DGKB: variants seen among roughly 807,000 people sequenced by gnomAD.
DGKB encodes 90 kDa diacylglycerol kinase.
In DGKB, 67 loss-of-function variants were observed where a neutral mutation model predicts 114.3. The ratio of observed to expected loss-of-function variants is 0.59; its 90% confidence interval spans 0.48 to 0.72. DGKB has a LOEUF of 0.72. DGKB is among the 30% of genes least tolerant of loss of function. The pLI, the probability that DGKB is intolerant of heterozygous loss-of-function variation, is 0.00. For missense variants in DGKB, 907 were observed against 975.2 expected, an observed-to-expected ratio of 0.93 and a Z score of 0.93; for synonymous variants, 398 against 323.1, an observed-to-expected ratio of 1.23 and a Z score of -2.49.
At chr7:14,530,708 G>T (rs1423841520) in intron 20 of DGKB, among the ~76,000 whole-genome samples, 3 of 151,408 alleles carry the variant, frequency 2.0e-5, no homozygotes, top group Admixed American at 6.6e-5. Flanking sequence ...CTGACTTCTT[G>T]CCAATCTCAC....
chr7:14,509,680 G>A (rs1787677480), intron 20 of DGKB, among the ~76,000 whole-genome samples: 1 of 152,164 alleles, frequency 6.6e-6, no homozygotes, highest in Non-Finnish European at 1.5e-5. Context: ...ATCGGGCAGA[G>A]CCCGAGAGCT....
intron 21 of DGKB, among the ~76,000 whole-genome samples, chr7:14,425,261 A>G (rs1221231896): frequency 6.6e-6 from 1 of 152,140 alleles, no homozygotes; most frequent in Non-Finnish European, 1.5e-5. Context: ...TATCTCAAAT[A>G]TATGTATCCA....
In DGKB at chr7:14,602,742, G is replaced by A. The variant is rs1022920982; in HGVS notation, c.1433+4692C>T. Among the ~76,000 whole-genome samples, 10 of 152,242 alleles carry A rather than the reference G, an allele frequency of 6.6e-5. No individual in the cohort carries two copies. The East Asian group carries it at 1.7e-3, about 26-fold the overall frequency. ...GAACTGTGAGAAATAAATTTATGTT[G>A]TTTGTAATTAGCCAGTCTAAGGGAT... On this transcript the variant is annotated intron_variant, in intron 17 of 25. Coordinates refer to ENST00000402815, the MANE Select transcript of DGKB (RefSeq NM_001350709.2).
intron 23 of DGKB, among the ~76,000 whole-genome samples, chr7:14,179,924 A>G (rs1782386341): frequency 6.6e-6 from 1 of 152,160 alleles, no homozygotes; most frequent in Non-Finnish European, 1.5e-5. Flanking sequence ...TCTAGTTTAA[A>G]TTCATGTTGC....
chr7:14,206,837 T>A (rs1238571471), intron 23 of DGKB, among the ~76,000 whole-genome samples: 1 of 152,060 alleles, frequency 6.6e-6, no homozygotes, highest in Non-Finnish European at 1.5e-5. Context: ...GCAACTATTT[T>A]TTGTAGAAAG....
chr7:14,839,887 C>A (rs928539394), intron 2 of DGKB, among the ~76,000 whole-genome samples: 1 of 151,606 alleles, frequency 6.6e-6, no homozygotes, highest in Non-Finnish European at 1.5e-5. Flanking sequence ...TACAAATACC[C>A]AGCAGCATTC....
intron 1 of DGKB, among the ~76,000 whole-genome samples, chr7:14,973,152 C>A (rs1336266042): frequency 6.6e-6 from 1 of 151,894 alleles, no homozygotes; most frequent in Non-Finnish European, 1.5e-5. Flanking sequence ...ACTAAAAATA[C>A]AAGTCTGAAA....
At chr7:14,877,448 A>G (rs1157156017) in intron 1 of DGKB, among the ~76,000 whole-genome samples, 2 of 152,110 alleles carry the variant, frequency 1.3e-5, no homozygotes, top group East Asian at 3.9e-4. Context: ...CCAGCTACCC[A>G]GGAAGCTGAG....
chr7:14,265,315 ATTCTTTTT>A (rs969252093), intron 23 of DGKB, among the ~76,000 whole-genome samples: 1 of 40,512 alleles, frequency 2.5e-5, no homozygotes, highest in African/African-American at 1.9e-4. Flanking sequence ...TTTCTCTTGC[ATTCTTTTT>A]TTTTTTTTTT....
intron 13 of DGKB, among the ~76,000 whole-genome samples, chr7:14,660,484 T>C (rs1280084476): frequency 3.9e-5 from 6 of 152,136 alleles, no homozygotes; most frequent in Non-Finnish European, 7.4e-5. Context: ...CCATTTCTTC[T>C]AGATTTTCTA....
intron 6 of DGKB, among the ~76,000 whole-genome samples, chr7:14,703,970 A>G (rs1450319558): frequency 6.6e-6 from 1 of 152,180 alleles, no homozygotes; most frequent in African/African-American, 2.4e-5. Context: ...ACCTTATTAA[A>G]GTGTACACAC....
intron 20 of DGKB, among the ~76,000 whole-genome samples, chr7:14,534,664 A>G (rs58820973): frequency 0.11 from 16,932 of 152,142 alleles, 1,449 homozygotes; most frequent in East Asian, 0.44. Flanking sequence ...ATGGAAACCA[A>G]AAGAGTTGGG....
Position 14,649,206 on chromosome 7 carries a change from A to G in DGKB, c.1135-18938T>C, listed in dbSNP as rs565705019. The stretch of plus-strand genomic sequence containing the variant: ...GACACATAATTGTCAGATTCACCAA[A>G]GTTGAAATGAAGGAAAAAATGTTAA... On this transcript the variant is annotated intron_variant, in intron 13 of 25. Transcript: ENST00000402815. Among the ~76,000 whole-genome samples the G allele has an allele frequency of 7.1e-3, 1,047 of 148,226 alleles. 12 individuals carry two copies. Among genetic ancestry groups the G allele is most frequent in the African/African-American group, 0.025 (986 of 39,986 alleles).
At chr7:14,780,841 C>G (rs1033357326) in intron 2 of DGKB, among the ~76,000 whole-genome samples, 2 of 152,138 alleles carry the variant, frequency 1.3e-5, no homozygotes, top group Non-Finnish European at 2.9e-5. Context: ...TCTGAGAAGG[C>G]TTGCTATTCT....
At chr7:14,904,841 T>C (rs1016299748), upstream of DGKB, among the ~76,000 whole-genome samples, 1 of 152,142 alleles carries the variant, frequency 6.6e-6, no homozygotes, top group African/African-American at 2.4e-5. Flanking sequence ...TTTATACTTG[T>C]GTACACTGCA....
intron 5 of DGKB, among the ~76,000 whole-genome samples, chr7:14,721,500 A>G (rs971168258): frequency 6.6e-6 from 1 of 151,844 alleles, no homozygotes; most frequent in African/African-American, 2.4e-5. Flanking sequence ...TTAAAGCTGT[A>G]TCATGTATTT....
intron 21 of DGKB, among the ~76,000 whole-genome samples, chr7:14,463,525 A>T (rs762311415): frequency 1.2e-4 from 19 of 152,094 alleles, no homozygotes; most frequent in Non-Finnish European, 2.5e-4. Context: ...TACTCCAACC[A>T]CTGCACTCAT....
intron 5 of DGKB, among the ~76,000 whole-genome samples, chr7:14,728,704 T>A (rs1259123774): frequency 1.5e-3 from 1 of 672 alleles, no homozygotes; most frequent in Admixed American, 0.045. Context: ...CCAGCCTCCT[T>A]TTTTTTTTTT....
At chr7:14,633,445 A>G (rs895497268) in intron 13 of DGKB, among the ~76,000 whole-genome samples, 2 of 151,912 alleles carry the variant, frequency 1.3e-5, no homozygotes, top group African/African-American at 4.8e-5. Flanking sequence ...AACCTCATTT[A>G]CAATCAAAAT....
Sources: allele counts gnomAD v4.1 joint callset (sites outside exome capture counted in the v4.1 genomes callset), GRCh38; gene constraint gnomAD v4.1.1; transcripts MANE v1.5; gene names NCBI Gene and HGNC (gene_info 2026-07-23, HGNC 2026-07-21).